The following ANXA4 variants were observed in gnomAD, a reference collection of about 807,000 sequenced individuals.
ANXA4 encodes annexin A4, also known as 35-beta calcimedin.
A neutral mutation model predicts 49.8 loss-of-function variants in ANXA4; 39 were observed. The ratio of observed to expected loss-of-function variants is 0.78; its 90% CI spans 0.61 to 1.02. The LOEUF is 1.02. Ranked by LOEUF, ANXA4 falls within the 50% of genes least tolerant of loss-of-function variation. ANXA4 has a pLI of 0.00. For missense variants in ANXA4, 360 were observed against 410.1 expected, an observed-to-expected ratio of 0.88 and a Z score of 1.05; for synonymous variants, 134 against 152.5, an observed-to-expected ratio of 0.88 and a Z score of 0.89.
chr2:69,807,826 G>A (rs1335864485), intron 5 of ANXA4, 80 bp from the exon 6 acceptor site: 12 of 1,167,612 alleles, frequency 1.0e-5, no homozygotes, highest in Non-Finnish European at 1.5e-5. Flanking sequence ...GCAGATTCAT[G>A]ACAGATGTAT....
intron 3 of ANXA4, among the ~76,000 whole-genome samples, chr2:69,799,003 A>T (rs1673070090): frequency 6.6e-6 from 1 of 152,212 alleles, no homozygotes; most frequent in East Asian, 1.9e-4. Context: ...GTTGCTAAGC[A>T]GTAGTAAAAA....
chr2:69,656,208 C>T (rs191208468), intron 2 of ANXA4, among the ~76,000 whole-genome samples: 2,264 of 132,174 alleles, frequency 0.017, 129 homozygotes, highest in East Asian at 0.16. Flanking sequence ...TATATATACA[C>T]ACACATATAT....
At chr2:69,816,022 T>C in intron 8 of ANXA4, 79 bp from the exon 9 acceptor site, 2 of 1,167,950 alleles carry the variant, frequency 1.7e-6, no homozygotes, top group African/African-American at 1.5e-5. Flanking sequence ...AGCTCAGCTC[T>C]TTGAGCTTCT....
chr2:69,742,486 T>G (rs1670436341), intron 1 of ANXA4, among the ~76,000 whole-genome samples: 1 of 152,242 alleles, frequency 6.6e-6, no homozygotes, highest in African/African-American at 2.4e-5. Context: ...GTCCATGTGC[T>G]AGGCTTTGCA....
At chr2:69,718,604 T>G (rs999982610) in intron 2 of ANXA4, among the ~76,000 whole-genome samples, 32 of 152,324 alleles carry the variant, frequency 2.1e-4, no homozygotes, top group African/African-American at 7.0e-4. Context: ...ACCTGCTGCT[T>G]CTTGTGCTTT....
intron 2 of ANXA4, among the ~76,000 whole-genome samples, chr2:69,675,357 G>T (rs1197309058): frequency 6.6e-6 from 1 of 152,186 alleles, no homozygotes; most frequent in East Asian, 1.9e-4. Flanking sequence ...AAAATGGCAT[G>T]TGAGTCTCAT....
chr2:69,759,919 A>C (rs1454498385), intron 1 of ANXA4, among the ~76,000 whole-genome samples: 1 of 151,870 alleles, frequency 6.6e-6, no homozygotes, highest in Non-Finnish European at 1.5e-5. Flanking sequence ...TGCAAGCTCC[A>C]CCTCCTGGGT....
At chr2:69,656,961 G>T (rs1475845409) in intron 2 of ANXA4, among the ~76,000 whole-genome samples, 1 of 151,648 alleles carries the variant, frequency 6.6e-6, no homozygotes, top group Non-Finnish European at 1.5e-5. Flanking sequence ...TATTATAGTG[G>T]CTTTACAATG....
At chr2:69,769,579 A>G (rs957030232) in intron 1 of ANXA4, among the ~76,000 whole-genome samples, 1 of 152,242 alleles carries the variant, frequency 6.6e-6, no homozygotes, top group Non-Finnish European at 1.5e-5. Flanking sequence ...CTTTTAGACA[A>G]AGCAATCATT....
At chr2:69,803,175 C>T (rs774028924) in intron 3 of ANXA4, among the ~76,000 whole-genome samples, 9 of 149,636 alleles carry the variant, frequency 6.0e-5, no homozygotes, top group Non-Finnish European at 8.9e-5. Flanking sequence ...GGTGACAGAG[C>T]GAAACTCCAT....
intron 1 of ANXA4, among the ~76,000 whole-genome samples, chr2:69,755,290 A>G (rs1463944612): frequency 6.6e-6 from 1 of 152,204 alleles, no homozygotes; most frequent in Non-Finnish European, 1.5e-5. Context: ...AAGACATTGT[A>G]AATGTTCTTA....
At chr2:69,671,342 G>A (rs1352054049) in intron 2 of ANXA4, among the ~76,000 whole-genome samples, 1 of 152,150 alleles carries the variant, frequency 6.6e-6, no homozygotes, top group Non-Finnish European at 1.5e-5. Flanking sequence ...TCCTGAATAT[G>A]TAAAGAACTC....
intron 7 of ANXA4, among the ~76,000 whole-genome samples, chr2:69,812,329 C>A (rs935900466): frequency 1.2e-4 from 18 of 152,164 alleles, no homozygotes; most frequent in Non-Finnish European, 2.2e-4. Context: ...AGGCATGAGT[C>A]AGCTGGGAAG....
chr2:69,656,047 G>T (rs1275719326), intron 2 of ANXA4, among the ~76,000 whole-genome samples: 1 of 151,720 alleles, frequency 6.6e-6, no homozygotes, highest in Non-Finnish European at 1.5e-5. Flanking sequence ...CTAAGGGAGG[G>T]ATAGCGTTAG....
chr2:69,739,998 T>A (rs1670342964), upstream of ANXA4, among the ~76,000 whole-genome samples: 1 of 152,228 alleles, frequency 6.6e-6, no homozygotes, highest in East Asian at 1.9e-4. Context: ...ACAGATTTAT[T>A]CCTGGCCTTT....
In ANXA4 at chr2:69,712,131, CACAT is replaced by C. The variant is rs1199171119; in HGVS notation, n.767-8635_767-8632del. 2.6e-5 allele frequency among the ~76,000 whole-genome samples: 4 copies of C among 152,040 alleles called. No individual in the cohort carries two copies. In the East Asian group the frequency reaches 7.7e-4, roughly 29 times the overall value. On this transcript the variant is annotated intron_variant and non_coding_transcript_variant, in intron 2 of 3. Coordinates refer to the ANXA4 transcript ENST00000418066. ...AAAGTTTTCCACTAAACAGACCACA[CACAT>C]ACATACAGACACACCACACACAACC...
At chr2:69,788,169 C>T (rs753151160) in intron 3 of ANXA4, 28 bp downstream of exon 3, 1 of 1,592,434 alleles carries the variant, frequency 6.3e-7, no homozygotes, top group Admixed American at 1.7e-5. Context: ...AGTGAATCCT[C>T]CTGCGTGCAT....
intron 2 of ANXA4, among the ~76,000 whole-genome samples, chr2:69,787,444 G>A (rs1672464461): frequency 6.6e-6 from 1 of 152,156 alleles, no homozygotes; most frequent in Non-Finnish European, 1.5e-5. Context: ...TCTGGATTTT[G>A]CTGACTGCAA....
chr2:69,744,781 G>A (rs1375073069), intron 1 of ANXA4, among the ~76,000 whole-genome samples: 1 of 152,200 alleles, frequency 6.6e-6, no homozygotes, highest in African/African-American at 2.4e-5. Flanking sequence ...ACAAAAGCCT[G>A]TTCTCTTATC....
Sources: gnomAD v4.1 joint callset for allele counts (sites outside exome capture counted in the v4.1 genomes callset) on GRCh38, gnomAD v4.1.1 for gene constraint, MANE v1.5 for transcripts, NCBI Gene and HGNC (gene_info 2026-07-23, HGNC 2026-07-21) for gene names.